PDIA6: variants seen among roughly 807,000 people sequenced by gnomAD.
The protein encoded by PDIA6 is protein disulfide isomerase family A member 6, also known as protein disulfide-isomerase A6.
A neutral mutation model predicts 58.4 loss-of-function variants in PDIA6; 29 were observed. That is an observed-to-expected ratio of 0.50 (90% CI 0.37 to 0.68). The LOEUF is 0.68. Among genes scored for constraint, PDIA6 ranks in the 30% least tolerant of loss-of-function variants. PDIA6 has a pLI of 0.00. For synonymous variants in PDIA6, 192 were observed against 202.6 expected, an observed-to-expected ratio of 0.95 and a Z score of 0.44; for missense variants, 480 against 551.0, an observed-to-expected ratio of 0.87 and a Z score of 1.29.
intron 6 of PDIA6, among the ~76,000 whole-genome samples, chr2:10,791,306 G>C (rs1666024975): frequency 6.6e-6 from 1 of 151,120 alleles, no homozygotes; most frequent in Non-Finnish European, 1.5e-5. Context: ...ACCACACCCA[G>C]CCAATTTTTT....
At chr2:10,833,841 G>A (rs575702741), upstream of PDIA6, among the ~76,000 whole-genome samples, 1 of 152,322 alleles carries the variant, frequency 6.6e-6, no homozygotes, top group African/African-American at 2.4e-5. Flanking sequence ...TGGAAGTGGA[G>A]CTTGGAGCTC....
chr2:10,785,328 A>G (rs1030063065), intron 11 of PDIA6, among the ~76,000 whole-genome samples: 1 of 152,220 alleles, frequency 6.6e-6, no homozygotes, highest in Non-Finnish European at 1.5e-5. Flanking sequence ...AAATACATAA[A>G]TAATTATCAA....
intron 1 of PDIA6, among the ~76,000 whole-genome samples, chr2:10,804,204 G>A (rs374439367): frequency 1.6e-4 from 25 of 151,848 alleles, no homozygotes; most frequent in African/African-American, 2.4e-4. Flanking sequence ...CACCGTGCCC[G>A]GCCCTGTGTC....
chr2:10,788,582 A>AAAC (rs11426702), intron 10 of PDIA6, 115 bp downstream of exon 10: 32 of 749,734 alleles, frequency 4.3e-5, no homozygotes, highest in Middle Eastern at 2.6e-4. Context: ...AAAAAAAAAA[A>AAAC]CATATAGCAG....
chr2:10,791,828 T>TCAAC lies in PDIA6; in HGVS notation c.547_550dup (p.Glu184GlyfsTer2). Reference sequence around the variant, plus strand: ...GTGTCCACACCAAGGAGCATAGAACTCAACCATCCAAACATCTTCACTGTC... The same window carrying TCAAC: ...GTGTCCACACCAAGGAGCATAGAACTCAACCAACCATCCAAACATCTTCACTGTC... On this transcript the variant is annotated stop_gained and frameshift_variant, in exon 6 of 13. Transcript: ENST00000272227. LOFTEE classifies it high-confidence loss of function. 6.2e-7 allele frequency: 1 copy of TCAAC among 1,614,148 alleles called. No individual in the cohort carries two copies. The highest frequency in any genetic ancestry group is 8.5e-7 in the Non-Finnish European group (1 of 1,180,004).
chr2:10,788,784 C>CAA lies in PDIA6; in HGVS notation c.926-17_926-16dup. The CAA allele has an allele frequency of 6.2e-7, 1 of 1,602,752 alleles. No homozygotes were observed. The highest frequency in any genetic ancestry group is 1.1e-5 in the South Asian group (1 of 90,888). ...GCCTGCAGCTCCTGATTTAAATAGA[C>CAA]AAAGTTTTTTAAAGGTAAAGATAAA... On this transcript the variant is annotated splice_polypyrimidine_tract_variant and intron_variant, in intron 9 of 12. Transcript: ENST00000272227.
chr2:10,812,929 CG>C, upstream of PDIA6: 1 of 923,036 alleles, frequency 1.1e-6, no homozygotes, highest in Non-Finnish European at 1.3e-6. Context: ...TAGAGGTTAC[CG>C]GTTTGGTTTT....
chr2:10,786,292 G>A (rs1176477581), intron 11 of PDIA6, among the ~76,000 whole-genome samples: 4 of 150,614 alleles, frequency 2.7e-5, no homozygotes, highest in East Asian at 2.0e-4. Context: ...CAGCCCGGAC[G>A]ACACAGCAAG....
intron 1 of PDIA6, chr2:10,821,210 T>C: frequency 9.1e-6 from 2 of 219,706 alleles, no homozygotes; most frequent in East Asian, 1.2e-4. Context: ...CATGGCCTCA[T>C]CAGCTCTTCC....
At chr2:10,803,267 C>T (rs1003199845) in intron 1 of PDIA6, among the ~76,000 whole-genome samples, 10 of 152,208 alleles carry the variant, frequency 6.6e-5, no homozygotes, top group African/African-American at 1.9e-4. Flanking sequence ...AAGCAATTCT[C>T]CTGCTTCAGC....
chr2:10,790,844 A>G lies in PDIA6; in HGVS notation c.585-11T>C. On this transcript the variant is annotated splice_polypyrimidine_tract_variant and intron_variant, in intron 6 of 12. Transcript: ENST00000272227. ...CACTCTGGCTCTAGGCTATAGAAAA[A>G]TATTCGTTTTGTTTTGTTTCTTTGA... The G allele has an allele frequency of 6.2e-7, 1 of 1,601,228 alleles. No homozygotes were observed. The highest frequency in any genetic ancestry group is 8.6e-7 in the Non-Finnish European group (1 of 1,168,810).
intron 1 of PDIA6, among the ~76,000 whole-genome samples, chr2:10,820,307 T>A (rs1231466294): frequency 6.6e-6 from 1 of 152,188 alleles, no homozygotes; most frequent in Non-Finnish European, 1.5e-5. Flanking sequence ...ACAGAGGGCA[T>A]GAAAAATTGA....
intron 1 of PDIA6, among the ~76,000 whole-genome samples, chr2:10,822,021 C>A (rs1324132628): frequency 6.6e-6 from 1 of 150,818 alleles, no homozygotes; most frequent in Non-Finnish European, 1.5e-5. Context: ...CTTACTACAG[C>A]CTCAACCTCC....
intron 1 of PDIA6, among the ~76,000 whole-genome samples, chr2:10,825,256 GTCTCTCTC>G (rs1667520409): frequency 1.2e-5 from 1 of 81,526 alleles, no homozygotes; most frequent in Non-Finnish European, 3.2e-5. Flanking sequence ...CTCTCTCTCT[GTCTCTCTC>G]TGTCTCTCTC....
chr2:10,822,051 C>T (rs1667412373), intron 1 of PDIA6, among the ~76,000 whole-genome samples: 1 of 151,638 alleles, frequency 6.6e-6, no homozygotes, highest in Non-Finnish European at 1.5e-5. Context: ...GTGATCCTCA[C>T]ACCTCAGCCT....
upstream of PDIA6, among the ~76,000 whole-genome samples, chr2:10,834,736 T>TTCCTTCCC (rs1667792088): frequency 5.4e-5 from 1 of 18,492 alleles, no homozygotes; most frequent in African/African-American, 2.3e-4. Flanking sequence ...CCTTCCCTCC[T>TTCCTTCCC]TCCTTCCTTC....
At chr2:10,818,507 T>A in intron 2 of PDIA6, among the ~76,000 whole-genome samples, 1 of 128,730 alleles carries the variant, frequency 7.8e-6, no homozygotes, top group African/African-American at 2.9e-5. Flanking sequence ...TATTTATTTA[T>A]TTATTTATTT....
rs1341076816 is a variant in PDIA6 at position 10,804,498 on chromosome 2, T to C, written c.20-1858A>G. Among the ~76,000 whole-genome samples, 2 of 108,010 alleles carry C rather than the reference T, an allele frequency of 1.9e-5. 1 individual carries two copies. Among genetic ancestry groups the C allele is most frequent in the Non-Finnish European group, 4.5e-5 (2 of 44,198 alleles). The allele number at this position is 108,010 out of a possible 152,430, so 70.9% of individuals were successfully genotyped here. A position where few individuals can be genotyped will look rare whatever the true frequency, so the allele number is the denominator to read the frequency against. On this transcript the variant is annotated intron_variant, in intron 1 of 12. Coordinates refer to ENST00000272227, the MANE Select transcript of PDIA6 (RefSeq NM_005742.4). ...GATAGTTGTAGACAGGCAGCGTTATTTCTGAGGGCTCTGTTCTGTTCCATT... is the reference window on the plus strand; with the variant it reads ...GATAGTTGTAGACAGGCAGCGTTATCTCTGAGGGCTCTGTTCTGTTCCATT...
intron 1 of PDIA6, among the ~76,000 whole-genome samples, chr2:10,810,777 C>A (rs1666971862): frequency 6.6e-6 from 1 of 152,130 alleles, no homozygotes; most frequent in African/African-American, 2.4e-5. Context: ...CTCCAACCCC[C>A]AAGAACACAA....
Sources: gnomAD v4.1 joint callset for allele counts (sites outside exome capture counted in the v4.1 genomes callset) on GRCh38, gnomAD v4.1.1 for gene constraint, MANE v1.5 for transcripts, NCBI Gene and HGNC (gene_info 2026-07-23, HGNC 2026-07-21) for gene names.